SUMF1: variants seen among roughly 807,000 people sequenced by gnomAD.
SUMF1 encodes sulfatase modifying factor 1.
In SUMF1, 48 loss-of-function variants were observed where a neutral mutation model predicts 47.6. The ratio of observed to expected loss-of-function variants is 1.01; its 90% CI spans 0.80 to 1.28. SUMF1 has a LOEUF of 1.28. Ranked by LOEUF, SUMF1 falls within the 50% of genes most tolerant of loss-of-function variation. The probability of loss-of-function intolerance (pLI) is 0.00; values close to 1 mark genes in which losing one functional copy is unlikely to be tolerated. For synonymous variants in SUMF1, 230 were observed against 192.1 expected, an observed-to-expected ratio of 1.20 and a Z score of -1.63; for missense variants, 571 against 485.4, an observed-to-expected ratio of 1.18 and a Z score of -1.66.
chr3:4,344,387 C>T (rs1472532087), intron 8 of SUMF1, among the ~76,000 whole-genome samples: 1 of 152,140 alleles, frequency 6.6e-6, no homozygotes, highest in Non-Finnish European at 1.5e-5. Flanking sequence ...AGGAGCAAAT[C>T]AGACGAATAA....
intron 8 of SUMF1, among the ~76,000 whole-genome samples, chr3:4,246,035 C>T (rs1696660090): frequency 6.6e-6 from 1 of 152,212 alleles, no homozygotes; most frequent in Non-Finnish European, 1.5e-5. Flanking sequence ...TAGCAGCGAG[C>T]AAGGCTCCGT....
intron 8 of SUMF1, among the ~76,000 whole-genome samples, chr3:4,350,345 GTGTGTGTGTATAAT>G (rs11267751): frequency 0.36 from 53,800 of 147,738 alleles, 10,861 homozygotes; most frequent in East Asian, 0.69. Context: ...GTGTGTGTGT[GTGTGTGTGTATAAT>G]TGTGTGTGTA....
At chr3:4,139,003 C>G (rs1407006821) in intron 8 of SUMF1, among the ~76,000 whole-genome samples, 2 of 151,980 alleles carry the variant, frequency 1.3e-5, no homozygotes, top group African/African-American at 4.8e-5. Context: ...ATGTTGGTAC[C>G]TTGAAATCAA....
intron 8 of SUMF1, among the ~76,000 whole-genome samples, chr3:4,091,143 T>G (rs1262431709): frequency 1.3e-5 from 2 of 151,926 alleles, no homozygotes; most frequent in Non-Finnish European, 2.9e-5. Context: ...AAGTAGAAGT[T>G]TGGTGATGTT....
chr3:4,130,041 T>C (rs926102964), intron 8 of SUMF1, among the ~76,000 whole-genome samples: 1 of 152,054 alleles, frequency 6.6e-6, no homozygotes, highest in African/African-American at 2.4e-5. Context: ...TCAAAAACAA[T>C]ATCGCATCCT....
At chr3:4,293,035 A>C (rs548159787) in intron 8 of SUMF1, among the ~76,000 whole-genome samples, 2 of 152,266 alleles carry the variant, frequency 1.3e-5, no homozygotes, top group African/African-American at 4.8e-5. Flanking sequence ...AAAATACTTG[A>C]CTTTTTTAAA....
At chr3:4,264,626 G>C (rs1029577257) in intron 8 of SUMF1, among the ~76,000 whole-genome samples, 1 of 152,144 alleles carries the variant, frequency 6.6e-6, no homozygotes, top group Non-Finnish European at 1.5e-5. Flanking sequence ...TCTTCTGAGA[G>C]AAATAACACC....
At chr3:4,323,235 TG>T (rs1268908243) in intron 8 of SUMF1, among the ~76,000 whole-genome samples, 1 of 148,646 alleles carries the variant, frequency 6.7e-6, no homozygotes, top group African/African-American at 2.6e-5. Context: ...AAAATGCCCT[TG>T]ATATGGATGA....
At chr3:4,466,189 G>A (rs1249977594) in intron 1 of SUMF1, among the ~76,000 whole-genome samples, 5 of 151,944 alleles carry the variant, frequency 3.3e-5, no homozygotes, top group Non-Finnish European at 7.4e-5. Context: ...TCGGCTCACT[G>A]CAACCTCCGC....
At chr3:4,040,108 A>C (rs1357555133) in intron 9 of SUMF1, among the ~76,000 whole-genome samples, 1 of 152,172 alleles carries the variant, frequency 6.6e-6, no homozygotes, top group African/African-American at 2.4e-5. Flanking sequence ...ATAACTATGT[A>C]AGGTGATAGA....
At chr3:4,349,292 T>G (rs1394667232) in intron 8 of SUMF1, among the ~76,000 whole-genome samples, 2 of 152,194 alleles carry the variant, frequency 1.3e-5, no homozygotes, top group Admixed American at 6.5e-5. Context: ...AGATACCATT[T>G]CACGCCAGTC....
chr3:4,198,783 G>C (rs1695483469), intron 8 of SUMF1, among the ~76,000 whole-genome samples: 1 of 151,992 alleles, frequency 6.6e-6, no homozygotes, highest in East Asian at 1.9e-4. Context: ...CTCCACTGAA[G>C]AAGAGACTCA....
At chr3:4,173,354 G>A (rs2125125786) in intron 8 of SUMF1, among the ~76,000 whole-genome samples, 1 of 152,238 alleles carries the variant, frequency 6.6e-6, no homozygotes, top group Non-Finnish European at 1.5e-5. Context: ...CAGTTAGAAT[G>A]GTGATCGTTA....
chr3:4,157,122 G>C (rs1187351765), intron 8 of SUMF1, among the ~76,000 whole-genome samples: 4 of 151,472 alleles, frequency 2.6e-5, no homozygotes, highest in African/African-American at 9.8e-5. Flanking sequence ...CCTCAGATGT[G>C]TCTACCCCAT....
chr3:4,058,835 T>C (rs1695233158), intron 9 of SUMF1, among the ~76,000 whole-genome samples: 1 of 152,052 alleles, frequency 6.6e-6, no homozygotes, highest in Non-Finnish European at 1.5e-5. Context: ...AATGCCCCAT[T>C]TCCAAACAGT....
At chr3:4,412,619 C>T (rs1335515921) in intron 6 of SUMF1, among the ~76,000 whole-genome samples, 1 of 152,196 alleles carries the variant, frequency 6.6e-6, no homozygotes, top group Non-Finnish European at 1.5e-5. Flanking sequence ...TGCCGTGGCT[C>T]ATGCCTGTAA....
At chr3:4,461,236 C>A (rs745928288) in intron 1 of SUMF1, among the ~76,000 whole-genome samples, 10 of 151,962 alleles carry the variant, frequency 6.6e-5, no homozygotes, top group Non-Finnish European at 1.0e-4. Flanking sequence ...GGTCAAGGAC[C>A]GAACTAGGTT....
intron 8 of SUMF1, among the ~76,000 whole-genome samples, chr3:4,373,618 C>G (rs561714417): frequency 1.3e-5 from 2 of 152,020 alleles, no homozygotes; most frequent in South Asian, 4.2e-4. Flanking sequence ...CCAAGGAATC[C>G]TATCAAACAT....
At chr3:4,069,320 C>G (rs1481203154) in intron 8 of SUMF1, among the ~76,000 whole-genome samples, 1 of 152,188 alleles carries the variant, frequency 6.6e-6, no homozygotes, top group East Asian at 1.9e-4. Context: ...GGTCCCACTT[C>G]GAGGTCATGT....
Sources: allele counts gnomAD v4.1 joint callset (sites outside exome capture counted in the v4.1 genomes callset), GRCh38; gene constraint gnomAD v4.1.1; transcripts MANE v1.5; gene names NCBI Gene and HGNC (gene_info 2026-07-23, HGNC 2026-07-21).